Variants in DNAI1 observed in about 807,000 individuals in gnomAD.
DNAI1 encodes the protein dynein axonemal intermediate chain 1.
A neutral mutation model predicts 92.0 loss-of-function variants in DNAI1; 67 were observed. The ratio of observed to expected loss-of-function variants is 0.73; its 90% CI spans 0.60 to 0.89. DNAI1 has a LOEUF of 0.89. Among genes scored for constraint, DNAI1 ranks in the 40% least tolerant of loss-of-function variants. DNAI1 has a pLI of 0.00. For synonymous variants in DNAI1, 323 were observed against 319.6 expected, an observed-to-expected ratio of 1.01 and a Z score of -0.11; for missense variants, 839 against 866.6, an observed-to-expected ratio of 0.97 and a Z score of 0.40.
rs576822179 is a variant in DNAI1, at chr9:34,468,527, T to A, written c.48+9474T>A. Among the ~76,000 whole-genome samples, 236 of 151,810 alleles carry A rather than the reference T, an allele frequency of 1.6e-3. 1 individual carries two copies. The highest frequency in any genetic ancestry group is 5.5e-3 in the African/African-American group (227 of 41,474). ...TTTGTTTTGTTTTGTTTTGTTTTTC[T>A]TGTAAAAAGAGAGCCTGGCTGGGCA... On this transcript the variant is annotated intron_variant, in intron 1 of 19. Transcript: ENST00000242317.
At chr9:34,505,908 AC>A (rs1340784074) in intron 12 of DNAI1, among the ~76,000 whole-genome samples, 3 of 152,206 alleles carry the variant, frequency 2.0e-5, no homozygotes, top group Non-Finnish European at 2.9e-5. Flanking sequence ...GTTCATGACT[AC>A]ATATCAGGAT....
intron 1 of DNAI1, among the ~76,000 whole-genome samples, chr9:34,473,541 C>A (rs552696924): frequency 5.3e-5 from 8 of 152,326 alleles, no homozygotes; most frequent in Non-Finnish European, 8.8e-5. Context: ...ATCCACCCGC[C>A]TTGGCCTCCC....
chr9:34,472,569 A>G (rs1019152160), intron 1 of DNAI1, among the ~76,000 whole-genome samples: 1 of 152,188 alleles, frequency 6.6e-6, no homozygotes, highest in African/African-American at 2.4e-5. Context: ...TTACATTCTT[A>G]ATTAGCATTT....
chr9:34,516,845 T>C (rs780768449), intron 18 of DNAI1, among the ~76,000 whole-genome samples: 1 of 151,690 alleles, frequency 6.6e-6, no homozygotes, highest in Non-Finnish European at 1.5e-5. Flanking sequence ...GTTCAAGTGA[T>C]TCTCCCATCT....
chr9:34,511,727 C>T lies in DNAI1; in HGVS notation c.1312-382C>T, dbSNP rs143725718. Among the ~76,000 whole-genome samples, 322 of 152,292 alleles carry T rather than the reference C, an allele frequency of 2.1e-3. 2 individuals are homozygous for T. Among genetic ancestry groups the T allele is most frequent in the African/African-American group, 7.0e-3 (290 of 41,552 alleles). On this transcript the variant is annotated intron_variant, in intron 13 of 19. Coordinates refer to ENST00000242317, the MANE Select transcript of DNAI1 (RefSeq NM_012144.4). ...TATAAACAGGAAACTGGTTGATGGG[C>T]CCTGTTCTTTCCAGGCCATGTTTAT...
intron 14 of DNAI1, 29 bp downstream of exon 14, chr9:34,512,227 G>A: frequency 6.2e-7 from 1 of 1,612,918 alleles, no homozygotes; most frequent in Non-Finnish European, 8.5e-7. Flanking sequence ...GGGTCACACT[G>A]GGGTGATTGG....
chr9:34,490,611 C>T (rs142678724), intron 7 of DNAI1, 123 bp downstream of exon 7: 1 of 1,354,770 alleles, frequency 7.4e-7, no homozygotes, highest in African/African-American at 1.4e-5. Context: ...ACAGATGCTA[C>T]AGCTTATCTC....
At chr9:34,503,731 A>G (rs962440571) in intron 12 of DNAI1, among the ~76,000 whole-genome samples, 17 of 152,158 alleles carry the variant, frequency 1.1e-4, no homozygotes, top group African/African-American at 4.1e-4. Flanking sequence ...AAACATCCCT[A>G]CCTGCTTCCC....
At chr9:34,515,920 G>A (rs1825163558) in intron 18 of DNAI1, among the ~76,000 whole-genome samples, 1 of 152,034 alleles carries the variant, frequency 6.6e-6, no homozygotes, top group East Asian at 1.9e-4. Context: ...TATAGTATAT[G>A]AATTATATCT....
intron 18 of DNAI1, 149 bp downstream of exon 18, chr9:34,514,888 T>A: frequency 1.2e-6 from 1 of 843,896 alleles, no homozygotes; most frequent in Non-Finnish European, 1.9e-6. Context: ...GGGCAAGCCA[T>A]CCAGGGTCCA....
rs1271867592 is a variant in DNAI1 at position 34,492,493 on chromosome 9, G to GAGATATATATATATATATAT, written c.682-700_682-699insGATATATATATATATATATA. 1.1e-3 allele frequency among the ~76,000 whole-genome samples: 74 copies of GAGATATATATATATATATAT among 68,254 alleles called. 5 individuals are homozygous for GAGATATATATATATATATAT. Among genetic ancestry groups the GAGATATATATATATATATAT allele is most frequent in the South Asian group, 4.1e-3 (9 of 2,220 alleles). 44.8% of individuals were successfully genotyped at this position (68,254 alleles called of 152,430 possible). A position where few individuals can be genotyped will look rare whatever the true frequency, so the allele number is the denominator to read the frequency against. On this transcript the variant is annotated intron_variant, in intron 8 of 19. Transcript: ENST00000242317. ...TCCGGGGTGGGGGTGGGGATATGAA[G>GAGATATATATATATATATAT]ATATATATATATATATATATATATA... is the stretch of plus-strand genomic sequence containing the variant.
At chr9:34,465,736 GA>G (rs1824026831) in intron 1 of DNAI1, among the ~76,000 whole-genome samples, 1 of 152,256 alleles carries the variant, frequency 6.6e-6, no homozygotes, top group South Asian at 2.1e-4. Flanking sequence ...CCTGCAAGTT[GA>G]TGCTGAGGAG....
Position 34,501,163 on chromosome 9 carries a change from G to A in DNAI1, c.1045G>A (p.Ala349Thr), listed in dbSNP as rs781123864. 1.9e-6 allele frequency: 3 copies of A among 1,613,698 alleles called. No individual in the cohort carries two copies. The highest frequency in any genetic ancestry group is 2.5e-6 in the Non-Finnish European group (3 of 1,179,582). The stretch of plus-strand genomic sequence containing the variant: ...GAATCCAAAGTACAGGGATCTGTTT[G>A]CAGTGGGATATGGCTCTTGTAAGTG... ...CWNPKYRDLF[A>T]VGYGSYDFMK... Residue 349 changes from alanine (A) to threonine (T), a missense_variant, in exon 12 of 20, where the codon GCA becomes ACA. Coordinates refer to ENST00000242317, the MANE Select transcript of DNAI1 (RefSeq NM_012144.4).
In DNAI1 at chr9:34,492,211, G is replaced by T. The variant is rs1285584406; in HGVS notation, c.681+657G>T. On this transcript the variant is annotated intron_variant, in intron 8 of 19. Coordinates refer to ENST00000242317, the MANE Select transcript of DNAI1 (RefSeq NM_012144.4). The stretch of plus-strand genomic sequence containing the variant: ...TGCAATGTGGAATAGGAGACTGGGG[G>T]GGAGTTATTAAATGTAAGGTTTGCT... 2.6e-5 allele frequency among the ~76,000 whole-genome samples: 4 copies of T among 152,076 alleles called. No individual in the cohort carries two copies. In the East Asian group the frequency reaches 7.8e-4, roughly 29 times the overall value.
At chr9:34,497,080 G>A in intron 9 of DNAI1, 35 bp from the exon 10 acceptor site, 2 of 1,557,034 alleles carry the variant, frequency 1.3e-6, no homozygotes, top group Non-Finnish European at 1.8e-6. Flanking sequence ...CTAAGTGCTG[G>A]TTTATGAGGA....
intron 1 of DNAI1, among the ~76,000 whole-genome samples, chr9:34,462,009 G>A (rs1823959851): frequency 6.6e-6 from 1 of 152,156 alleles, no homozygotes; most frequent in Non-Finnish European, 1.5e-5. Context: ...CCAGGGGTGA[G>A]GGAAGATCAG....
At chr9:34,471,759 G>T (rs1824139094) in intron 1 of DNAI1, among the ~76,000 whole-genome samples, 2 of 151,366 alleles carry the variant, frequency 1.3e-5, no homozygotes, top group South Asian at 4.2e-4. Flanking sequence ...TACAGTGTGA[G>T]ACTCCATTAA....
At chr9:34,514,327 G>C (rs1825128918) in intron 16 of DNAI1, 67 bp from the exon 17 acceptor site, 1 of 1,592,014 alleles carries the variant, frequency 6.3e-7, no homozygotes, top group Non-Finnish European at 8.6e-7. Flanking sequence ...TGATCCTCCA[G>C]ACCCCCAGGG....
chr9:34,483,076 C>G (rs997469424), intron 1 of DNAI1, among the ~76,000 whole-genome samples: 1 of 152,224 alleles, frequency 6.6e-6, no homozygotes, highest in African/African-American at 2.4e-5. Context: ...CCCACCAAGC[C>G]CACGCCCACC....
Sources: gnomAD v4.1 joint callset for allele counts (sites outside exome capture counted in the v4.1 genomes callset) on GRCh38, gnomAD v4.1.1 for gene constraint, MANE v1.5 for transcripts, NCBI Gene and HGNC (gene_info 2026-07-23, HGNC 2026-07-21) for gene names.